NMUR2: variants seen among roughly 807,000 people sequenced by gnomAD.
NMUR2 encodes the protein neuromedin U receptor 2, also known as neuromedin-U receptor 2.
In NMUR2, 24 loss-of-function variants were observed where a neutral mutation model predicts 25.1. The ratio of observed to expected loss-of-function variants is 0.96; its 90% CI spans 0.69 to 1.34. NMUR2 has a LOEUF of 1.34. NMUR2 is among the 40% of genes most tolerant of loss of function. The pLI is 0.00. For synonymous variants in NMUR2, 218 were observed against 208.1 expected, an observed-to-expected ratio of 1.05 and a Z score of -0.41; for missense variants, 533 against 512.8, an observed-to-expected ratio of 1.04 and a Z score of -0.38.
rs186310568 is a variant in NMUR2, at chr5:152,397,509, G to T, written c.811+551C>A. On this transcript the variant is annotated intron_variant, in intron 2 of 3. Transcript: ENST00000255262. ...AGATGTTCTTAACCTGGAACTAAAAGATCCCATGGAGTCTATGAGTATCAG... is the reference window on the plus strand; with the variant it reads ...AGATGTTCTTAACCTGGAACTAAAATATCCCATGGAGTCTATGAGTATCAG... Among the ~76,000 whole-genome samples the T allele has an allele frequency of 1.9e-3, 286 of 152,158 alleles. 2 individuals carry two copies. The highest frequency in any genetic ancestry group is 3.4e-3 in the Middle Eastern group (1 of 292).
chr5:152,391,575 T>A lies in NMUR2; in HGVS notation c.*616A>T, dbSNP rs928816171. On this transcript the variant is annotated 3_prime_UTR_variant, in exon 4 of 4. Coordinates refer to ENST00000255262, the MANE Select transcript of NMUR2 (RefSeq NM_020167.5). ...ATAATAATCAAGTTTATTGCGAAAA[T>A]TATGACAATTGATACAGAGACATGA... is the stretch of plus-strand genomic sequence containing the variant. 1.3e-5 allele frequency: 2 copies of A among 152,186 alleles called. No homozygotes were observed. Among genetic ancestry groups the A allele is most frequent in the African/African-American group, 4.8e-5 (2 of 41,398 alleles). The allele number at this position is 152,186 out of a possible 1,614,324, so 9.4% of individuals were successfully genotyped here.
chr5:152,398,039 A>G lies in NMUR2; in HGVS notation c.811+21T>C, dbSNP rs780831456. 3.1e-6 allele frequency: 5 copies of G among 1,595,628 alleles called. No individual in the cohort carries two copies. The South Asian group carries it at 5.6e-5, about 18-fold the overall frequency. ...TGCTCTTATGAACAAAACAAAACAA[A>G]AAACAAAATGGGGCACTTACACAGC... On this transcript the variant is annotated intron_variant, in intron 2 of 3. Coordinates refer to ENST00000255262, the MANE Select transcript of NMUR2 (RefSeq NM_020167.5).
chr5:152,400,572 A>G (rs184586408), intron 1 of NMUR2, among the ~76,000 whole-genome samples: 2 of 152,306 alleles, frequency 1.3e-5, no homozygotes, highest in East Asian at 3.9e-4. Flanking sequence ...CTGTACTGAT[A>G]CAAAGGAGGC....
At position 152,395,632 on chromosome 5, in the gene NMUR2, A is replaced by T. The variant is rs370637194; in HGVS notation, c.812-48T>A. The T allele has an allele frequency of 3.1e-6, 5 of 1,602,288 alleles. No homozygotes were observed. The African/African-American group carries it at 5.4e-5, about 17-fold the overall frequency. ...AGACCAGAAGACAGTCTGTGCAAGG[A>T]TAGGTATACAATGCTCACTCTGAGT... is the stretch of plus-strand genomic sequence containing the variant. On this transcript the variant is annotated intron_variant, in intron 2 of 3. Transcript: ENST00000255262.
At position 152,392,348 on chromosome 5, in the gene NMUR2, A is replaced by T; in HGVS notation, c.1091T>A (p.Ile364Asn). ...DPQLPPAQRN[I>N]FLTECHFVEL... ...CACAAAGTGGCATTCTGTCAGGAAG[A>T]TGTTCCGCTGGGCAGGTGGCAACTG... is the stretch of plus-strand genomic sequence containing the variant. Residue 364 changes from isoleucine to asparagine, a missense_variant, in exon 4 of 4, where the codon ATC becomes AAC. By Grantham distance (149) the Ile-to-Asn change is moderately radical. Transcript: ENST00000255262. The T allele has an allele frequency of 6.2e-7, 1 of 1,614,056 alleles. No homozygotes were observed. The highest frequency in any genetic ancestry group is 8.5e-7 in the Non-Finnish European group (1 of 1,179,958).
chr5:152,401,420 A>G (rs573646670), intron 1 of NMUR2, among the ~76,000 whole-genome samples: 99 of 152,298 alleles, frequency 6.5e-4, no homozygotes, highest in African/African-American at 2.3e-3. Flanking sequence ...AGTTGTTTAT[A>G]CTGCCTGAAA....
chr5:152,402,334 G>A (rs1342393204), intron 1 of NMUR2, among the ~76,000 whole-genome samples: 1 of 152,102 alleles, frequency 6.6e-6, no homozygotes, highest in Non-Finnish European at 1.5e-5. Flanking sequence ...ACAGAATAGG[G>A]CCTACTTTTC....
chr5:152,393,698 A>G (rs1232511578), intron 3 of NMUR2, among the ~76,000 whole-genome samples: 3 of 152,188 alleles, frequency 2.0e-5, no homozygotes, highest in African/African-American at 7.2e-5. Flanking sequence ...GAGATAACAA[A>G]TCATGCTATA....
chr5:152,395,631 G>C (rs1434779781), intron 2 of NMUR2, 47 bp from the exon 3 acceptor site: 1 of 1,603,428 alleles, frequency 6.2e-7, no homozygotes, highest in African/African-American at 1.3e-5. Flanking sequence ...TCTGTGCAAG[G>C]ATAGGTATAC....
chr5:152,398,340 G>A (rs716256), intron 1 of NMUR2, among the ~76,000 whole-genome samples, 196 bp from the exon 2 acceptor site: 22,032 of 152,188 alleles, frequency 0.14, 2,089 homozygotes, highest in Admixed American at 0.24. Context: ...AACTGGATAA[G>A]TGATTGTGGC....
intron 1 of NMUR2, among the ~76,000 whole-genome samples, chr5:152,404,145 A>AC (rs2113104490): frequency 6.6e-6 from 1 of 152,228 alleles, no homozygotes; most frequent in African/African-American, 2.4e-5. Flanking sequence ...AGATACGAGA[A>AC]CCCCAAGAAT....
intron 1 of NMUR2, among the ~76,000 whole-genome samples, chr5:152,400,510 A>C (rs911711546): frequency 4.6e-5 from 7 of 152,196 alleles, no homozygotes; most frequent in Non-Finnish European, 1.0e-4. Context: ...TGAAGTACTG[A>C]GTCCCTTCTA....
At chr5:152,398,813 G>C (rs1206635430) in intron 1 of NMUR2, among the ~76,000 whole-genome samples, 1 of 152,006 alleles carries the variant, frequency 6.6e-6, no homozygotes, top group African/African-American at 2.4e-5. Context: ...ACACAAATTG[G>C]GAAATGTTGT....
rs757181300 is a variant in NMUR2 at position 152,404,967 on chromosome 5, A to T, written c.147T>A (p.Ser49=). The T allele has an allele frequency of 1.6e-5, 26 of 1,613,942 alleles. No individual in the cohort carries two copies. In the Admixed American group the frequency reaches 4.3e-4, roughly 27 times the overall value. ...PRRSHFFLPV[S]VVYVPIFVVG... is the part of the protein sequence containing the mutation. ...CCACAAAAATTGGCACATACACCAC[A>T]GACACGGGGAGGAAGAAGTGGCTGC... Residue 49 remains serine (S), a synonymous_variant, in exon 1 of 4, where the codon TCT becomes TCA. Coordinates refer to ENST00000255262, the MANE Select transcript of NMUR2 (RefSeq NM_020167.5).
intron 3 of NMUR2, among the ~76,000 whole-genome samples, chr5:152,393,010 C>G (rs1465097111): frequency 6.6e-6 from 1 of 152,200 alleles, no homozygotes; most frequent in East Asian, 1.9e-4. Flanking sequence ...TACCCTTTTC[C>G]CTTGATGGTT....
intron 3 of NMUR2, among the ~76,000 whole-genome samples, chr5:152,393,859 A>G (rs1753102436): frequency 1.3e-5 from 2 of 152,186 alleles, no homozygotes; most frequent in African/African-American, 2.4e-5. Context: ...TATAGCACGC[A>G]TAAGTATTCA....
chr5:152,397,233 A>G (rs1247177772), intron 2 of NMUR2, among the ~76,000 whole-genome samples: 1 of 152,032 alleles, frequency 6.6e-6, no homozygotes, highest in Non-Finnish European at 1.5e-5. Context: ...TTTCATATGC[A>G]TATTAGCCTG....
At position 152,403,061 on chromosome 5, in the gene NMUR2, C is replaced by T. The variant is rs530441284; in HGVS notation, c.726+1327G>A. 3.3e-5 allele frequency among the ~76,000 whole-genome samples: 5 copies of T among 152,242 alleles called. No individual in the cohort carries two copies. In the South Asian group the frequency reaches 1.0e-3, roughly 32 times the overall value. On this transcript the variant is annotated intron_variant, in intron 1 of 3. Coordinates refer to ENST00000255262, the MANE Select transcript of NMUR2 (RefSeq NM_020167.5). ...TGTCACATAAAGTGTGATGTCAGAG[C>T]CATCTCAAAGCAAATGATGTGAATG...
rs970055712 is a variant in NMUR2, at chr5:152,392,065, A to C, written c.*126T>G. On this transcript the variant is annotated 3_prime_UTR_variant, in exon 4 of 4. Transcript: ENST00000255262. Reference sequence around the variant, plus strand: ...TTTCACGTTTATTAAAAAAAAAAAAACTAGCAATGGGTACATGAGTTGTAA... The same window carrying C: ...TTTCACGTTTATTAAAAAAAAAAAACCTAGCAATGGGTACATGAGTTGTAA... 1 of 787,932 alleles carries C rather than the reference A, an allele frequency of 1.3e-6. No homozygotes were observed. Among genetic ancestry groups the C allele is most frequent in the South Asian group, 2.1e-5 (1 of 47,844 alleles). The allele number at this position is 787,932 out of a possible 1,614,324, so 48.8% of individuals were successfully genotyped here. A position where few individuals can be genotyped will look rare whatever the true frequency, so the allele number is the denominator to read the frequency against.
Sources: allele counts gnomAD v4.1 joint callset (sites outside exome capture counted in the v4.1 genomes callset), GRCh38; gene constraint gnomAD v4.1.1; transcripts MANE v1.5; gene names NCBI Gene and HGNC (gene_info 2026-07-23, HGNC 2026-07-21).